HEMK2: variants seen among roughly 807,000 people sequenced by gnomAD.
The protein encoded by HEMK2 is HemK methyltransferase 2, ETF1 glutamine and histone H4 lysine.
At chr21:28,777,290 C>T in the HEMK2 span, among the ~76,000 whole-genome samples, 1 of 152,170 alleles carries the variant, frequency 6.6e-6, no homozygotes, top group Non-Finnish European at 1.5e-5. Flanking sequence ...ACAGTCCAAA[C>T]ATGGTATTGG....
At chr21:28,816,125 T>C in the HEMK2 span, among the ~76,000 whole-genome samples, 1 of 152,210 alleles carries the variant, frequency 6.6e-6, no homozygotes, top group African/African-American at 2.4e-5. Context: ...AAATTAACTG[T>C]GCTGGCACCT....
the HEMK2 span, among the ~76,000 whole-genome samples, chr21:28,766,303 T>G: frequency 1.7e-3 from 245 of 148,468 alleles, 1 homozygote; most frequent in African/African-American, 6.1e-3. Flanking sequence ...TAAAGTATAA[T>G]GATTTTTTTT....
the HEMK2 span, among the ~76,000 whole-genome samples, chr21:28,658,188 G>C: frequency 0.014 from 2,066 of 152,100 alleles, 28 homozygotes; most frequent in Non-Finnish European, 0.022. Context: ...GGACCTAAAA[G>C]AGAAACAACA....
chr21:28,660,464 ACTAT>A, the HEMK2 span, among the ~76,000 whole-genome samples: 3 of 151,292 alleles, frequency 2.0e-5, no homozygotes, highest in Non-Finnish European at 4.4e-5. Context: ...TTCTATATAA[ACTAT>A]CTATACTAAG....
the HEMK2 span, among the ~76,000 whole-genome samples, chr21:28,665,860 G>T: frequency 6.6e-6 from 1 of 152,044 alleles, no homozygotes; most frequent in African/African-American, 2.4e-5. Context: ...TGATAGACTG[G>T]ATTATATTTC....
At chr21:28,761,296 A>AT in the HEMK2 span, among the ~76,000 whole-genome samples, 1 of 152,112 alleles carries the variant, frequency 6.6e-6, no homozygotes, top group Non-Finnish European at 1.5e-5. Context: ...TGTTTATTTC[A>AT]TTATTTTACA....
chr21:28,646,118 T>C, the HEMK2 span, among the ~76,000 whole-genome samples: 1 of 152,198 alleles, frequency 6.6e-6, no homozygotes, highest in Non-Finnish European at 1.5e-5. Flanking sequence ...TATCTGTGTC[T>C]TGAGAGAGAA....
chr21:28,844,451 G>A, the HEMK2 span, among the ~76,000 whole-genome samples: 2 of 152,066 alleles, frequency 1.3e-5, no homozygotes, highest in African/African-American at 4.8e-5. Context: ...CTTTTGTGTG[G>A]AATACCTTGT....
chr21:28,599,701 C>G, the HEMK2 span, among the ~76,000 whole-genome samples: 77 of 152,206 alleles, frequency 5.1e-4, no homozygotes, highest in Admixed American at 3.9e-3. Context: ...GTCCACAGCC[C>G]AAAGTCTGAT....
At chr21:28,750,983 C>T in the HEMK2 span, among the ~76,000 whole-genome samples, 1 of 152,122 alleles carries the variant, frequency 6.6e-6, no homozygotes, top group Non-Finnish European at 1.5e-5. Flanking sequence ...GTAATCTCAG[C>T]ACTTTGGGAG....
At chr21:28,807,645 T>A in the HEMK2 span, among the ~76,000 whole-genome samples, 1 of 152,204 alleles carries the variant, frequency 6.6e-6, no homozygotes, top group Non-Finnish European at 1.5e-5. Context: ...TGGTTCTTTT[T>A]GGCAGAGAGC....
At chr21:28,811,528 T>C in the HEMK2 span, among the ~76,000 whole-genome samples, 1 of 152,162 alleles carries the variant, frequency 6.6e-6, no homozygotes, top group Admixed American at 6.5e-5. Flanking sequence ...ATTCTTATTA[T>C]GAATAATAAT....
At chr21:28,866,839 TCAA>T in the HEMK2 span, among the ~76,000 whole-genome samples, 1 of 152,040 alleles carries the variant, frequency 6.6e-6, no homozygotes, top group Non-Finnish European at 1.5e-5. Flanking sequence ...TTCTTACAGA[TCAA>T]CAAGTAAAAA....
At chr21:28,727,200 G>C in the HEMK2 span, among the ~76,000 whole-genome samples, 1 of 152,318 alleles carries the variant, frequency 6.6e-6, no homozygotes, top group East Asian at 1.9e-4. Context: ...TCTGGAGGTT[G>C]ATTTTGTTGA....
chr21:28,856,034 G>A, the HEMK2 span, among the ~76,000 whole-genome samples: 1 of 152,080 alleles, frequency 6.6e-6, no homozygotes, highest in Non-Finnish European at 1.5e-5. Context: ...ATATTATTAG[G>A]TAAAATGTAT....
the HEMK2 span, among the ~76,000 whole-genome samples, chr21:28,831,716 AAG>A: frequency 3.0e-4 from 41 of 134,966 alleles, no homozygotes; most frequent in African/African-American, 1.1e-3. Context: ...GGAAGGAAGG[AAG>A]GAAGGAAGGA....
chr21:28,835,988 T>G, the HEMK2 span, among the ~76,000 whole-genome samples: 3 of 152,112 alleles, frequency 2.0e-5, no homozygotes, highest in South Asian at 6.2e-4. Context: ...AAGTCTGGGA[T>G]TATGCTAAAC....
the HEMK2 span, among the ~76,000 whole-genome samples, chr21:28,713,945 A>T: frequency 4.5e-3 from 680 of 152,336 alleles, 1 homozygote; most frequent in Non-Finnish European, 6.8e-3. Flanking sequence ...ACTCAGGCTG[A>T]GAGACTCTTA....
At chr21:28,694,528 G>T in the HEMK2 span, among the ~76,000 whole-genome samples, 13 of 152,076 alleles carry the variant, frequency 8.5e-5, no homozygotes, top group Admixed American at 4.6e-4. Context: ...CCATAATCTG[G>T]TCCCTGCCTC....
Sources: gnomAD v4.1 joint callset for allele counts (sites outside exome capture counted in the v4.1 genomes callset) on GRCh38, gnomAD v4.1.1 for gene constraint, MANE v1.5 for transcripts, NCBI Gene and HGNC (gene_info 2026-07-23, HGNC 2026-07-21) for gene names.